Variants in SCMH1 observed in about 807,000 individuals in gnomAD.
SCMH1 encodes the protein Scm polycomb group protein homolog 1, also known as polycomb protein SCMH1.
SCMH1 carries 37 observed loss-of-function variants against 70.8 expected under a neutral mutation model. That is an observed-to-expected ratio of 0.52 (90% CI 0.40 to 0.69). The LOEUF is 0.69. Among genes scored for constraint, SCMH1 ranks in the 30% least tolerant of loss-of-function variants. SCMH1 has a pLI of 0.00. For missense variants in SCMH1, 607 were observed against 827.3 expected (o/e 0.73, Z 3.27); for synonymous variants, 292 against 307.4 (o/e 0.95, Z 0.52).
intron 1 of SCMH1, among the ~76,000 whole-genome samples, chr1:41,221,977 A>G (rs189277264): frequency 6.6e-6 from 1 of 151,034 alleles, no homozygotes; most frequent in East Asian, 2.0e-4. Flanking sequence ...GCAATCAGTG[A>G]TAAGTCTTGA....
chr1:41,151,727 A>T (rs1398033324), intron 4 of SCMH1, 43 bp from the exon 5 acceptor site: 4 of 1,456,856 alleles, frequency 2.7e-6, no homozygotes, highest in Non-Finnish European at 2.9e-6. Context: ...AACTTCCTAA[A>T]AAAAATGTTT....
At chr1:41,182,308 C>A (rs915043851) in intron 2 of SCMH1, among the ~76,000 whole-genome samples, 7 of 152,152 alleles carry the variant, frequency 4.6e-5, no homozygotes, top group African/African-American at 1.7e-4. Context: ...ATGTAACTAA[C>A]CTGCACGTTG....
At chr1:41,136,371 T>G (rs1174407417) in intron 6 of SCMH1, among the ~76,000 whole-genome samples, 1 of 121,532 alleles carries the variant, frequency 8.2e-6, no homozygotes, top group Non-Finnish European at 1.9e-5. Context: ...CATTTCTTCT[T>G]TTCTTTCTTT....
intron 6 of SCMH1, among the ~76,000 whole-genome samples, chr1:41,119,318 G>A (rs1671305448): frequency 6.6e-6 from 1 of 152,106 alleles, no homozygotes; most frequent in African/African-American, 2.4e-5. Flanking sequence ...GCCTTCCCAA[G>A]GTAAAGAGAT....
intron 12 of SCMH1, among the ~76,000 whole-genome samples, chr1:41,040,317 G>A (rs1380357408): frequency 6.6e-6 from 1 of 152,154 alleles, no homozygotes; most frequent in Non-Finnish European, 1.5e-5. Flanking sequence ...TCTTCTCAGA[G>A]TATCACATTG....
chr1:41,028,404 G>C (rs1011685774), intron 14 of SCMH1, 85 bp from the exon 16 acceptor site: 3 of 1,562,430 alleles, frequency 1.9e-6, no homozygotes, highest in African/African-American at 2.7e-5. Context: ...TCTGATTATA[G>C]GCCATCCTGG....
intron 5 of SCMH1, among the ~76,000 whole-genome samples, chr1:41,146,817 C>A (rs1644623414): frequency 6.6e-6 from 1 of 152,144 alleles, no homozygotes; most frequent in African/African-American, 2.4e-5. Context: ...CTCTCATAGT[C>A]TGTGACCTGT....
intron 8 of SCMH1, among the ~76,000 whole-genome samples, chr1:41,091,728 C>T (rs1663578230): frequency 6.6e-6 from 1 of 152,140 alleles, no homozygotes; most frequent in African/African-American, 2.4e-5. Context: ...ACACCAATAA[C>T]AGACAAACAG....
At chr1:41,178,802 C>T (rs1328914965) in intron 2 of SCMH1, among the ~76,000 whole-genome samples, 1 of 152,148 alleles carries the variant, frequency 6.6e-6, no homozygotes, top group African/African-American at 2.4e-5. Flanking sequence ...TTTAACACCC[C>T]ACTGTCAACA....
At chr1:41,115,014 T>C (rs761945816) in intron 7 of SCMH1, among the ~76,000 whole-genome samples, 9 of 152,186 alleles carry the variant, frequency 5.9e-5, no homozygotes, top group African/African-American at 9.7e-5. Context: ...TCAACATACA[T>C]TTAAAAATTT....
At chr1:41,153,978 C>T (rs1326062723) in intron 4 of SCMH1, among the ~76,000 whole-genome samples, 7 of 152,100 alleles carry the variant, frequency 4.6e-5, no homozygotes, top group African/African-American at 1.7e-4. Flanking sequence ...CTTTCTAGGC[C>T]ATACAGTCTA....
chr1:41,121,263 G>C (rs1347432524), intron 6 of SCMH1, among the ~76,000 whole-genome samples: 4 of 152,180 alleles, frequency 2.6e-5, no homozygotes, highest in Non-Finnish European at 5.9e-5. Context: ...AAAAACTGAG[G>C]CTTAGAGAAA....
At chr1:41,070,890 G>A (rs1656249631) in intron 9 of SCMH1, among the ~76,000 whole-genome samples, 169 bp from the exon 10 acceptor site, 1 of 152,106 alleles carries the variant, frequency 6.6e-6, no homozygotes, top group Non-Finnish European at 1.5e-5. Flanking sequence ...ACCTGTAGTA[G>A]ATGCTTAGTA....
At chr1:41,188,998 T>C (rs1377493307) in intron 1 of SCMH1, among the ~76,000 whole-genome samples, 2 of 152,108 alleles carry the variant, frequency 1.3e-5, no homozygotes, top group African/African-American at 4.8e-5. Flanking sequence ...ACTATGCCAA[T>C]ATGCAGAGAA....
intron 1 of SCMH1, among the ~76,000 whole-genome samples, chr1:41,199,784 T>A (rs61779269): frequency 0.15 from 22,745 of 152,040 alleles, 2,210 homozygotes; most frequent in Non-Finnish European, 0.21. Flanking sequence ...ATGTTCACTA[T>A]CTGGGTGATG....
chr1:41,161,546 T>C, intron 2 of SCMH1, 114 bp from the exon 3 acceptor site: 2 of 1,185,462 alleles, frequency 1.7e-6, no homozygotes, highest in African/African-American at 1.6e-5. Flanking sequence ...TCCGAGATTC[T>C]ATGCTAAGGA....
At chr1:41,044,870 T>C (rs1179395092) in intron 12 of SCMH1, among the ~76,000 whole-genome samples, 1 of 152,160 alleles carries the variant, frequency 6.6e-6, no homozygotes, top group Admixed American at 6.5e-5. Flanking sequence ...GCCCATGAGG[T>C]ACATCCTTAC....
intron 1 of SCMH1, among the ~76,000 whole-genome samples, chr1:41,189,230 A>G (rs1351599217): frequency 2.0e-5 from 3 of 152,136 alleles, no homozygotes; most frequent in Non-Finnish European, 2.9e-5. Flanking sequence ...GCTCACTGCA[A>G]CCTCTGCCTC....
At chr1:41,131,825 T>C (rs1309070205) in intron 6 of SCMH1, among the ~76,000 whole-genome samples, 1 of 152,190 alleles carries the variant, frequency 6.6e-6, no homozygotes, top group Admixed American at 6.5e-5. Flanking sequence ...TTGTGATAGT[T>C]TGCTGAGAAT....
Sources: allele counts gnomAD v4.1 joint callset (sites outside exome capture counted in the v4.1 genomes callset), GRCh38; gene constraint gnomAD v4.1.1; transcripts MANE v1.5; gene names NCBI Gene and HGNC (gene_info 2026-07-23, HGNC 2026-07-21).